Variants in CSMD3 observed in about 807,000 individuals in gnomAD.
CSMD3 encodes the protein CUB and sushi domain-containing protein 3.
In CSMD3, 177 loss-of-function variants were observed where a neutral mutation model predicts 435.2. That is an observed-to-expected ratio of 0.41 (90% CI 0.36 to 0.46). CSMD3 has a LOEUF of 0.46. Ranked by LOEUF, CSMD3 falls within the 20% of genes least tolerant of loss-of-function variation. CSMD3 has a pLI of 0.34. For synonymous variants in CSMD3, 1,656 were observed against 1,520.5 expected (o/e 1.09, Z -2.07); for missense variants, 4,265 against 4,504.6 (o/e 0.95, Z 1.52).
chr8:112,297,111 AT>A (rs546948195), intron 53 of CSMD3, among the ~76,000 whole-genome samples: 1,597 of 146,646 alleles, frequency 0.011, 29 homozygotes, highest in African/African-American at 0.033. Flanking sequence ...CTTCCCACGG[AT>A]TTTTTTTTTT....
chr8:113,289,981 T>G (rs2093674548), intron 2 of CSMD3, among the ~76,000 whole-genome samples: 1 of 151,752 alleles, frequency 6.6e-6, no homozygotes, highest in African/African-American at 2.4e-5. Context: ...TTATTATTTT[T>G]TATGCATTTA....
At chr8:112,372,442 TAG>T (rs1276600560) in intron 38 of CSMD3, among the ~76,000 whole-genome samples, 1 of 151,922 alleles carries the variant, frequency 6.6e-6, no homozygotes, top group Non-Finnish European at 1.5e-5. Context: ...GAAGGAACAT[TAG>T]GTTTATCTGA....
At chr8:112,574,546 A>G (rs1312755182) in intron 23 of CSMD3, among the ~76,000 whole-genome samples, 1 of 152,000 alleles carries the variant, frequency 6.6e-6, no homozygotes. Context: ...ATTTCTAGAT[A>G]GTTTCCTAAA....
intron 38 of CSMD3, among the ~76,000 whole-genome samples, chr8:112,379,591 C>T (rs965632846): frequency 6.6e-6 from 1 of 152,020 alleles, no homozygotes; most frequent in Admixed American, 6.6e-5. Context: ...TTAAAATGTC[C>T]ATACTACACA....
At chr8:112,514,063 T>C (rs888952628) in intron 28 of CSMD3, among the ~76,000 whole-genome samples, 1 of 152,196 alleles carries the variant, frequency 6.6e-6, no homozygotes, top group Non-Finnish European at 1.5e-5. Flanking sequence ...ACTTAAATTA[T>C]TGTTTTTCTT....
At chr8:112,931,475 C>A in intron 9 of CSMD3, among the ~76,000 whole-genome samples, 2 of 149,422 alleles carry the variant, frequency 1.3e-5, no homozygotes, top group Admixed American at 1.3e-4. Flanking sequence ...ATGTAAAATC[C>A]GAAACTATAA....
At chr8:112,817,224 G>C (rs1225188221) in intron 12 of CSMD3, among the ~76,000 whole-genome samples, 32 of 152,024 alleles carry the variant, frequency 2.1e-4, no homozygotes. Flanking sequence ...AAAAATGAAG[G>C]AGTATCACAT....
At chr8:112,244,035 C>T (rs1187065073) in intron 65 of CSMD3, among the ~76,000 whole-genome samples, 1 of 152,026 alleles carries the variant, frequency 6.6e-6, no homozygotes, top group Admixed American at 6.6e-5. Context: ...CCTGCTGACA[C>T]CTTAATTTTG....
At chr8:112,810,142 T>C (rs2079185081) in intron 12 of CSMD3, among the ~76,000 whole-genome samples, 2 of 152,210 alleles carry the variant, frequency 1.3e-5, no homozygotes, top group Admixed American at 6.5e-5. Context: ...TTGTTTGACT[T>C]GTCTGGTGCA....
At chr8:112,917,132 T>C (rs540611060) in intron 10 of CSMD3, among the ~76,000 whole-genome samples, 109 of 152,042 alleles carry the variant, frequency 7.2e-4, no homozygotes, top group African/African-American at 2.4e-3. Flanking sequence ...TATTGATAAC[T>C]GTCCTCTTTG....
chr8:112,792,029 C>T (rs1324367428), intron 13 of CSMD3, among the ~76,000 whole-genome samples: 1 of 152,044 alleles, frequency 6.6e-6, no homozygotes, highest in Non-Finnish European at 1.5e-5. Flanking sequence ...TGAAGTGTTT[C>T]ATCAACTCTT....
intron 32 of CSMD3, among the ~76,000 whole-genome samples, chr8:112,442,250 C>A (rs1249212289): frequency 6.6e-6 from 1 of 152,090 alleles, no homozygotes; most frequent in African/African-American, 2.4e-5. Flanking sequence ...CATGAGGGAT[C>A]CATCCCCATG....
chr8:112,745,645 T>C (rs2077409790), intron 13 of CSMD3, among the ~76,000 whole-genome samples: 2 of 151,866 alleles, frequency 1.3e-5, no homozygotes, highest in South Asian at 4.1e-4. Context: ...CATGCAAAAA[T>C]TTACTAATGT....
At chr8:113,060,240 C>T (rs377519149) in intron 5 of CSMD3, among the ~76,000 whole-genome samples, 4 of 136,046 alleles carry the variant, frequency 2.9e-5, no homozygotes, top group African/African-American at 8.3e-5. Context: ...TGAGAATATG[C>T]GGTGTTTGGT....
intron 3 of CSMD3, among the ~76,000 whole-genome samples, chr8:113,261,893 T>G (rs1027145166): frequency 2.6e-5 from 4 of 152,024 alleles, no homozygotes; most frequent in African/African-American, 9.7e-5. Flanking sequence ...CAAGTATTGC[T>G]CTGTGGATGT....
At chr8:113,134,868 C>A (rs1052288262) in intron 4 of CSMD3, among the ~76,000 whole-genome samples, 4 of 151,840 alleles carry the variant, frequency 2.6e-5, no homozygotes, top group African/African-American at 9.7e-5. Flanking sequence ...CCACTGAAGG[C>A]CCCGTGCTGC....
chr8:113,191,065 A>G (rs531357146), intron 3 of CSMD3, among the ~76,000 whole-genome samples: 1 of 151,866 alleles, frequency 6.6e-6, no homozygotes, highest in East Asian at 1.9e-4. Flanking sequence ...ATTAGATTCA[A>G]CTTTCTTCTT....
intron 9 of CSMD3, among the ~76,000 whole-genome samples, chr8:112,933,816 G>A (rs546468030): frequency 6.6e-6 from 1 of 151,972 alleles, no homozygotes; most frequent in South Asian, 2.1e-4. Flanking sequence ...CAGTTTTGCC[G>A]TGGGAATAGA....
In CSMD3 at chr8:112,410,628, G is replaced by GTATATATATATGTATA. The variant is rs373147062; in HGVS notation, c.5396-1597_5396-1596insTATACATATATATATA. 7.1e-5 allele frequency among the ~76,000 whole-genome samples: 5 copies of GTATATATATATGTATA among 69,954 alleles called. No individual in the cohort carries two copies. In the South Asian group the frequency reaches 1.4e-3, roughly 19 times the overall value. The allele number at this position is 69,954 out of a possible 152,430, so 45.9% of individuals were successfully genotyped here. On this transcript the variant is annotated intron_variant, in intron 32 of 70. Transcript: ENST00000297405. Reference sequence around the variant, plus strand: ...TGTATATATATATGTATATATATGTGTATATATATGTATATATATATGTGT... The same window carrying GTATATATATATGTATA: ...TGTATATATATATGTATATATATGTGTATATATATATGTATATATATATATGTATATATATATGTGT...
Sources: allele counts gnomAD v4.1 joint callset (sites outside exome capture counted in the v4.1 genomes callset), GRCh38; gene constraint gnomAD v4.1.1; transcripts MANE v1.5; gene names NCBI Gene and HGNC (gene_info 2026-07-23, HGNC 2026-07-21).